Variants in ANKRD6 observed in about 807,000 individuals in gnomAD.
The protein encoded by ANKRD6 is ankyrin repeat domain-containing protein 6.
In ANKRD6, 56 loss-of-function variants were observed where a neutral mutation model predicts 82.3. The observed-to-expected ratio is 0.68, with a 90% CI of 0.55 to 0.85. The LOEUF is 0.85. Ranked by LOEUF, ANKRD6 falls within the 40% of genes least tolerant of loss-of-function variation. The pLI is 0.00. For missense variants in ANKRD6, 852 were observed against 907.6 expected, an observed-to-expected ratio of 0.94 and a Z score of 0.79; for synonymous variants, 347 against 352.1, an observed-to-expected ratio of 0.99 and a Z score of 0.16.
intron 2 of ANKRD6, among the ~76,000 whole-genome samples, chr6:89,573,844 C>T (rs969297534): frequency 6.6e-6 from 1 of 152,172 alleles, no homozygotes; most frequent in African/African-American, 2.4e-5. Context: ...TGCATCCACT[C>T]TGCCCCTTGA....
intron 1 of ANKRD6, among the ~76,000 whole-genome samples, chr6:89,556,322 T>G (rs1253648540): frequency 6.6e-6 from 1 of 152,238 alleles, no homozygotes; most frequent in Non-Finnish European, 1.5e-5. Flanking sequence ...TTAACCACCA[T>G]GGGCTCAATG....
intron 3 of ANKRD6, among the ~76,000 whole-genome samples, chr6:89,599,112 C>G (rs1583608996): frequency 6.6e-6 from 1 of 152,246 alleles, no homozygotes; most frequent in East Asian, 1.9e-4. Flanking sequence ...GTGGCTCACA[C>G]CTGTAATCCC....
At chr6:89,618,194 C>A in intron 9 of ANKRD6, 163 bp downstream of exon 9, 1 of 772,314 alleles carries the variant, frequency 1.3e-6, no homozygotes, top group South Asian at 1.4e-5. Flanking sequence ...TGACGGGAGT[C>A]AAAGGCATCA....
Position 89,567,015 on chromosome 6 carries a change from C to T in ANKRD6, c.39C>T (p.Arg13=). The T allele has an allele frequency of 6.2e-7, 1 of 1,605,256 alleles. No homozygotes were observed. Among genetic ancestry groups the T allele is most frequent in the South Asian group, 1.1e-5 (1 of 88,920 alleles). The change falls in exon 2 of 16, where the codon CGC becomes CGT. Residue 13 remains arginine, a synonymous_variant. Coordinates refer to ENST00000339746, the MANE Select transcript of ANKRD6 (RefSeq NM_001242809.2). ...QQDAVAALSE[R]LLVAAYKGQT... is the part of the protein sequence containing the mutation. Reference sequence around the variant, plus strand: ...ATGCGGTCGCTGCACTTTCAGAGCGCCTTCTCGTAGCTGCGTACAAAGGCC... The same window carrying T: ...ATGCGGTCGCTGCACTTTCAGAGCGTCTTCTCGTAGCTGCGTACAAAGGCC...
intron 1 of ANKRD6, among the ~76,000 whole-genome samples, chr6:89,479,395 A>G (rs1476583970): frequency 6.6e-6 from 1 of 152,206 alleles, no homozygotes; most frequent in Non-Finnish European, 1.5e-5. Context: ...AGACAAGAAT[A>G]TGAAACCAGA....
At chr6:89,596,647 G>A (rs1795988743) in intron 3 of ANKRD6, among the ~76,000 whole-genome samples, 2 of 152,152 alleles carry the variant, frequency 1.3e-5, no homozygotes, top group African/African-American at 4.8e-5. Flanking sequence ...GTTATCTAGA[G>A]ATGGACTCTG....
intron 5 of ANKRD6, among the ~76,000 whole-genome samples, chr6:89,607,615 A>G (rs974680445): frequency 9.2e-5 from 14 of 152,034 alleles, no homozygotes; most frequent in African/African-American, 3.1e-4. Flanking sequence ...CAAATTTTCC[A>G]GAATGAACCC....
chr6:89,602,137 C>G (rs908968249), intron 3 of ANKRD6: 3 of 152,338 alleles, frequency 2.0e-5, no homozygotes, highest in African/African-American at 7.2e-5. Flanking sequence ...TCCACCAGAA[C>G]ATTTCCACAC....
At chr6:89,441,007 A>G (rs1233949185) in intron 1 of ANKRD6, among the ~76,000 whole-genome samples, 1 of 152,166 alleles carries the variant, frequency 6.6e-6, no homozygotes, top group African/African-American at 2.4e-5. Flanking sequence ...ACAGAAAAAC[A>G]TGTTGATGAT....
intron 1 of ANKRD6, among the ~76,000 whole-genome samples, chr6:89,538,881 T>C (rs1023951819): frequency 6.6e-6 from 1 of 152,140 alleles, no homozygotes; most frequent in Admixed American, 6.5e-5. Flanking sequence ...AACATGTTTT[T>C]CAATGACAAG....
chr6:89,442,773 G>A (rs1771585924), intron 1 of ANKRD6, among the ~76,000 whole-genome samples: 1 of 152,168 alleles, frequency 6.6e-6, no homozygotes, highest in Non-Finnish European at 1.5e-5. Flanking sequence ...GAAGTCTCTG[G>A]GTTACGATAA....
In ANKRD6 at chr6:89,497,828, G is replaced by A. The variant is rs185046571; in HGVS notation, c.-144+64453G>A. Among the ~76,000 whole-genome samples the A allele has an allele frequency of 7.5e-4, 114 of 152,180 alleles. 1 individual carries two copies. In the Middle Eastern group the frequency reaches 0.017, roughly 23 times the overall value. ...CATCATCAGAATCCAGTTTGAGAAC[G>A]TTTTCATTACTCCAAAAAGTTTCCT... On this transcript the variant is annotated intron_variant, in intron 1 of 15. Coordinates refer to ENST00000339746, the MANE Select transcript of ANKRD6 (RefSeq NM_001242809.2).
chr6:89,434,073 C>T (rs984050366), intron 1 of ANKRD6, among the ~76,000 whole-genome samples: 5 of 152,158 alleles, frequency 3.3e-5, no homozygotes, highest in African/African-American at 1.2e-4. Context: ...AAGAATGTTT[C>T]CCCCGCGAGG....
At chr6:89,451,947 A>G (rs528447485) in intron 1 of ANKRD6, among the ~76,000 whole-genome samples, 5 of 152,338 alleles carry the variant, frequency 3.3e-5, no homozygotes, top group Middle Eastern at 6.8e-3. Flanking sequence ...CTCTAATCCC[A>G]GCACTTTGGG....
chr6:89,568,963 G>A (rs1310752610), intron 2 of ANKRD6, among the ~76,000 whole-genome samples: 3 of 146,692 alleles, frequency 2.0e-5, no homozygotes, highest in African/African-American at 5.1e-5. Context: ...CAGTGTGTCC[G>A]TCTGTTGCCC....
At chr6:89,487,483 A>C (rs2127828118) in intron 1 of ANKRD6, among the ~76,000 whole-genome samples, 1 of 152,352 alleles carries the variant, frequency 6.6e-6, no homozygotes, top group South Asian at 2.1e-4. Context: ...AGCTTGTCTC[A>C]GTATTCACTC....
intron 1 of ANKRD6, among the ~76,000 whole-genome samples, chr6:89,480,867 A>G (rs1406135738): frequency 7.0e-6 from 1 of 143,832 alleles, no homozygotes; most frequent in African/African-American, 2.6e-5. Context: ...ACTTGAGCCC[A>G]GGAGGTTGAG....
At chr6:89,460,417 T>G (rs528023729) in intron 1 of ANKRD6, among the ~76,000 whole-genome samples, 12 of 152,026 alleles carry the variant, frequency 7.9e-5, no homozygotes, top group South Asian at 2.1e-4. Flanking sequence ...CAAAAATACC[T>G]TATAGATTAG....
At chr6:89,459,050 C>CT (rs1014276789) in intron 1 of ANKRD6, among the ~76,000 whole-genome samples, 2 of 151,812 alleles carry the variant, frequency 1.3e-5, no homozygotes, top group African/African-American at 4.8e-5. Flanking sequence ...CAGAGTTCAC[C>CT]TTTTTTTTGT....
Sources: gnomAD v4.1 joint callset for allele counts (sites outside exome capture counted in the v4.1 genomes callset) on GRCh38, gnomAD v4.1.1 for gene constraint, MANE v1.5 for transcripts, NCBI Gene and HGNC (gene_info 2026-07-23, HGNC 2026-07-21) for gene names.